The following BRINP3 variants were observed in gnomAD, a reference collection of about 807,000 sequenced individuals.
BRINP3 encodes BMP/retinoic acid inducible neural specific 3.
In BRINP3, 19 loss-of-function variants were observed where a neutral mutation model predicts 71.0. The observed-to-expected ratio is 0.27, with a 90% CI of 0.19 to 0.39. The LOEUF is 0.39. BRINP3 is among the 10% of genes least tolerant of loss of function. The probability of loss-of-function intolerance (pLI) is 1.00; values close to 1 mark genes in which losing one functional copy is unlikely to be tolerated. For missense variants in BRINP3, 959 were observed against 940.8 expected, an observed-to-expected ratio of 1.02 and a Z score of -0.25; for synonymous variants, 380 against 337.7, an observed-to-expected ratio of 1.13 and a Z score of -1.37.
intron 2 of BRINP3, among the ~76,000 whole-genome samples, chr1:190,441,989 T>G (rs2102561269): frequency 6.6e-6 from 1 of 152,286 alleles, no homozygotes; most frequent in South Asian, 2.1e-4. Flanking sequence ...AGATCATTAC[T>G]TTGAGTAGAT....
In BRINP3 at chr1:190,454,768, T is replaced by C; in HGVS notation, c.123A>G (p.Thr41=). Reference sequence around the variant, plus strand: ...CAGAGAGGAGCCAGTCGAAGGGGCTTGTGGCATGCTGATCCGAAACAGCAG... The same window carrying C: ...CAGAGAGGAGCCAGTCGAAGGGGCTCGTGGCATGCTGATCCGAAACAGCAG... ...AVAAVSDQHA[T]SPFDWLLSDK... The change falls in exon 2 of 8, where the codon ACA becomes ACG. Residue 41 remains threonine, a synonymous_variant. Transcript: ENST00000367462. The C allele has an allele frequency of 6.2e-7, 1 of 1,614,040 alleles. No homozygotes were observed.
chr1:190,246,970 A>G (rs1659668863), intron 4 of BRINP3, among the ~76,000 whole-genome samples: 1 of 152,012 alleles, frequency 6.6e-6, no homozygotes, highest in African/African-American at 2.4e-5. Context: ...GTCTCTTTAT[A>G]TTACTCAGGC....
chr1:190,141,507 C>T (rs1208494016), intron 7 of BRINP3, among the ~76,000 whole-genome samples: 7 of 150,312 alleles, frequency 4.7e-5, no homozygotes, highest in Non-Finnish European at 8.9e-5. Context: ...ATATTTTAAT[C>T]CTCTTTCTTT....
intron 2 of BRINP3, among the ~76,000 whole-genome samples, chr1:190,332,111 A>G (rs1001668348): frequency 1.3e-5 from 2 of 152,100 alleles, no homozygotes; most frequent in Non-Finnish European, 2.9e-5. Flanking sequence ...CAATAATTAT[A>G]TATGCCTATT....
At chr1:190,378,417 G>T (rs1670315814) in intron 2 of BRINP3, among the ~76,000 whole-genome samples, 1 of 152,088 alleles carries the variant, frequency 6.6e-6, no homozygotes, top group African/African-American at 2.4e-5. Flanking sequence ...ATTCTCCATG[G>T]GGTTATCTAT....
intron 3 of BRINP3, among the ~76,000 whole-genome samples, chr1:190,277,774 A>G (rs1662711881): frequency 6.6e-6 from 1 of 151,730 alleles, no homozygotes. Flanking sequence ...AGAAATCAAT[A>G]TTTCCCAGAA....
At chr1:190,191,580 T>C (rs928542854) in intron 6 of BRINP3, among the ~76,000 whole-genome samples, 1 of 152,142 alleles carries the variant, frequency 6.6e-6, no homozygotes, top group African/African-American at 2.4e-5. Flanking sequence ...GCAAAGGACA[T>C]GATCTCATTC....
intron 2 of BRINP3, among the ~76,000 whole-genome samples, chr1:190,410,621 C>T (rs1267039082): frequency 2.6e-5 from 4 of 151,828 alleles, no homozygotes; most frequent in Non-Finnish European, 2.9e-5. Context: ...GCTTAAAGAT[C>T]AGGAACAACA....
chr1:190,293,846 T>C (rs1488832105), intron 2 of BRINP3, among the ~76,000 whole-genome samples: 1 of 152,168 alleles, frequency 6.6e-6, no homozygotes, highest in Non-Finnish European at 1.5e-5. Context: ...ACTCCTGCTC[T>C]TTTTTGGTTT....
chr1:190,363,669 G>T (rs974182737), intron 2 of BRINP3, among the ~76,000 whole-genome samples: 3 of 152,132 alleles, frequency 2.0e-5, no homozygotes, highest in African/African-American at 7.2e-5. Flanking sequence ...TGTTGCTATT[G>T]ATCATGTAAG....
At chr1:190,280,140 G>C (rs767261623) in intron 3 of BRINP3, among the ~76,000 whole-genome samples, 56 of 151,980 alleles carry the variant, frequency 3.7e-4, no homozygotes, top group Non-Finnish European at 5.3e-4. Context: ...TCATGAAATA[G>C]TAGAGAACAA....
intron 6 of BRINP3, among the ~76,000 whole-genome samples, chr1:190,194,371 A>G (rs1007851165): frequency 6.6e-6 from 1 of 152,088 alleles, no homozygotes; most frequent in Non-Finnish European, 1.5e-5. Flanking sequence ...CAAGCAACCA[A>G]CTTTGTGACA....
chr1:190,251,504 C>T (rs1660138925), intron 4 of BRINP3, among the ~76,000 whole-genome samples: 1 of 151,924 alleles, frequency 6.6e-6, no homozygotes, highest in Non-Finnish European at 1.5e-5. Context: ...AATTAGAGCT[C>T]TTCATTTCTC....
chr1:190,219,858 T>A (rs192937369), intron 6 of BRINP3, among the ~76,000 whole-genome samples: 19 of 148,864 alleles, frequency 1.3e-4, no homozygotes, highest in African/African-American at 4.4e-4. Flanking sequence ...ATAATAATAA[T>A]AATAATAAAT....
chr1:190,387,778 C>T (rs1671005279), intron 2 of BRINP3, among the ~76,000 whole-genome samples: 2 of 151,866 alleles, frequency 1.3e-5, no homozygotes, highest in African/African-American at 4.8e-5. Flanking sequence ...ATGACCTCCT[C>T]CAGCTTCGTG....
At chr1:190,303,350 G>A (rs1469552238) in intron 2 of BRINP3, among the ~76,000 whole-genome samples, 3 of 151,404 alleles carry the variant, frequency 2.0e-5, no homozygotes, top group Non-Finnish European at 4.4e-5. Flanking sequence ...TGAAGATGAG[G>A]GTAATCATTC....
chr1:190,184,978 T>G (rs1653384178), intron 6 of BRINP3, among the ~76,000 whole-genome samples: 1 of 152,146 alleles, frequency 6.6e-6, no homozygotes, highest in Non-Finnish European at 1.5e-5. Flanking sequence ...GATTAAAGAC[T>G]TAAGTCCTGA....
chr1:190,232,500 C>T (rs1464869771), intron 5 of BRINP3, among the ~76,000 whole-genome samples: 1 of 151,610 alleles, frequency 6.6e-6, no homozygotes, highest in Non-Finnish European at 1.5e-5. Flanking sequence ...GGACTTTGTA[C>T]CGATAGGTGT....
rs1651424031 is a variant in BRINP3 at position 190,098,784 on chromosome 1, G to A, written c.1535C>T (p.Ala512Val). 1.9e-6 allele frequency: 3 copies of A among 1,614,048 alleles called. No individual in the cohort carries two copies. The highest frequency in any genetic ancestry group is 1.7e-6 in the Non-Finnish European group (2 of 1,180,058). ...GCGCATGTCATTGCTGATAAAAATGGCATGGACTTCTATTCGTCTGTCCGT... is the reference window on the plus strand; with the variant it reads ...GCGCATGTCATTGCTGATAAAAATGACATGGACTTCTATTCGTCTGTCCGT... Reference protein sequence around the residue: ...QKTDRRIEVHAIFISNDMRLN... With the variant: ...QKTDRRIEVHVIFISNDMRLN... The change falls in exon 8 of 8, where the codon GCC becomes GTC. Residue 512 changes from alanine (A) to valine (V), a missense_variant. Coordinates refer to ENST00000367462, the MANE Select transcript of BRINP3 (RefSeq NM_199051.3).
Sources: allele counts gnomAD v4.1 joint callset (sites outside exome capture counted in the v4.1 genomes callset), GRCh38; gene constraint gnomAD v4.1.1; transcripts MANE v1.5; gene names NCBI Gene and HGNC (gene_info 2026-07-23, HGNC 2026-07-21).